ASTN2: variants seen among roughly 807,000 people sequenced by gnomAD.
ASTN2 encodes the protein astrotactin 2, also known as astrotactin-2.
Under a neutral mutation model 139.8 loss-of-function variants are expected in ASTN2, and 54 were observed. That is an observed-to-expected ratio of 0.39 (90% CI 0.31 to 0.48). ASTN2 has a LOEUF of 0.48. Among genes scored for constraint, ASTN2 ranks in the 20% least tolerant of loss-of-function variants. The probability of loss-of-function intolerance (pLI) is 0.95; values close to 1 mark genes in which losing one functional copy is unlikely to be tolerated. For synonymous variants in ASTN2, 756 were observed against 719.5 expected (o/e 1.05, Z -0.81); for missense variants, 1,565 against 1,725.1 (o/e 0.91, Z 1.64).
chr9:116,825,703 G>T (rs988345184), intron 11 of ASTN2, among the ~76,000 whole-genome samples: 1 of 152,184 alleles, frequency 6.6e-6, no homozygotes, highest in African/African-American at 2.4e-5. Context: ...AACCCCCAGG[G>T]TTCCAAAATG....
chr9:116,559,922 C>T (rs1852821396), intron 19 of ASTN2, among the ~76,000 whole-genome samples: 1 of 152,176 alleles, frequency 6.6e-6, no homozygotes, highest in Non-Finnish European at 1.5e-5. Flanking sequence ...CTTCACAACA[C>T]TCTAAAAGGC....
intron 20 of ASTN2, among the ~76,000 whole-genome samples, chr9:116,444,813 T>C (rs1012693916): frequency 6.6e-6 from 1 of 152,158 alleles, no homozygotes; most frequent in Non-Finnish European, 1.5e-5. Context: ...ACATCTGTGA[T>C]AGACTGCCAC....
intron 1 of ASTN2, among the ~76,000 whole-genome samples, chr9:117,362,462 C>T (rs539803746): frequency 7.9e-5 from 12 of 152,076 alleles, no homozygotes; most frequent in African/African-American, 2.9e-4. Flanking sequence ...GATCAGTGGG[C>T]AGGTAAGGGA....
intron 13 of ASTN2, among the ~76,000 whole-genome samples, chr9:116,768,321 T>C (rs113621532): frequency 1.3e-5 from 1 of 74,652 alleles, no homozygotes; most frequent in Non-Finnish European, 3.8e-5. Flanking sequence ...GTCTCCATCT[T>C]TCTCTTACTC....
chr9:117,340,563 G>T (rs1829036411), intron 1 of ASTN2, among the ~76,000 whole-genome samples: 1 of 152,000 alleles, frequency 6.6e-6, no homozygotes, highest in Admixed American at 6.6e-5. Context: ...GGAAACAGAA[G>T]AAGCTTGTTA....
intron 10 of ASTN2, among the ~76,000 whole-genome samples, chr9:116,896,207 C>T (rs184411557): frequency 5.9e-5 from 9 of 152,204 alleles, no homozygotes; most frequent in Non-Finnish European, 1.3e-4. Context: ...GAGGTGATTC[C>T]AGGAAGCAAG....
intron 20 of ASTN2, among the ~76,000 whole-genome samples, chr9:116,470,867 G>C (rs1848790723): frequency 6.6e-6 from 1 of 152,252 alleles, no homozygotes; most frequent in East Asian, 1.9e-4. Flanking sequence ...ATGCTTTATG[G>C]TGGGTACTCT....
At chr9:117,233,857 G>A (rs927685573) in intron 2 of ASTN2, among the ~76,000 whole-genome samples, 22 of 151,988 alleles carry the variant, frequency 1.4e-4, no homozygotes, top group African/African-American at 4.4e-4. Context: ...TAACCTAACC[G>A]CCTAAATTTC....
chr9:117,214,770 T>G (rs760764995), intron 2 of ASTN2, 28 bp from the exon 3 acceptor site: 1 of 1,462,900 alleles, frequency 6.8e-7, no homozygotes, highest in Non-Finnish European at 9.0e-7. Flanking sequence ...GACACACAAA[T>G]GGGCCACTGT....
At chr9:117,280,378 CT>C (rs1834296203) in intron 2 of ASTN2, among the ~76,000 whole-genome samples, 1 of 151,916 alleles carries the variant, frequency 6.6e-6, no homozygotes, top group Admixed American at 6.6e-5. Flanking sequence ...TGAATGTTAT[CT>C]TATTTGGAAA....
intron 11 of ASTN2, among the ~76,000 whole-genome samples, chr9:116,843,988 A>G (rs1832350645): frequency 6.6e-6 from 1 of 152,168 alleles, no homozygotes; most frequent in African/African-American, 2.4e-5. Flanking sequence ...CTCTGTGGTT[A>G]TGTTCCTGAG....
At chr9:116,733,366 G>C (rs1828838778) in intron 14 of ASTN2, 33 bp downstream of exon 14, 13 of 1,596,418 alleles carry the variant, frequency 8.1e-6, no homozygotes, top group Non-Finnish European at 1.1e-5. Context: ...TGTGGTCAGG[G>C]AACCTGGGAA....
chr9:117,020,174 T>C (rs942036061), intron 6 of ASTN2, among the ~76,000 whole-genome samples: 2 of 152,020 alleles, frequency 1.3e-5, no homozygotes, highest in South Asian at 4.2e-4. Flanking sequence ...CATTTACACC[T>C]ATATTACCTT....
intron 2 of ASTN2, among the ~76,000 whole-genome samples, chr9:117,285,949 G>A (rs1161136841): frequency 6.6e-6 from 1 of 151,704 alleles, no homozygotes; most frequent in Non-Finnish European, 1.5e-5. Context: ...AAAACATTTT[G>A]TCACCACAAA....
intron 13 of ASTN2, among the ~76,000 whole-genome samples, chr9:116,737,417 G>A (rs1828957879): frequency 6.6e-6 from 1 of 152,068 alleles, no homozygotes; most frequent in African/African-American, 2.4e-5. Flanking sequence ...GCTTAAACTC[G>A]GGTGCTCAGG....
intron 20 of ASTN2, 34 bp downstream of exon 20, chr9:116,487,325 G>C (rs373090315): frequency 1.7e-4 from 273 of 1,608,178 alleles, no homozygotes; most frequent in Non-Finnish European, 2.2e-4. Context: ...CATCCTGTCT[G>C]CCTCATGATC....
chr9:116,620,549 C>G, intron 17 of ASTN2, 106 bp from the exon 18 acceptor site: 1 of 1,393,130 alleles, frequency 7.2e-7, no homozygotes. Context: ...TTTAGAGTAG[C>G]CCCTTTAAGC....
In ASTN2 at chr9:116,723,295, C is replaced by T. The variant is rs563542306; in HGVS notation, c.2806+2476G>A. On this transcript the variant is annotated intron_variant, in intron 16 of 22. Coordinates refer to ENST00000313400, the MANE Select transcript of ASTN2 (RefSeq NM_001365068.1). ...TTCTATGTACCTACTATGTACCAGACATTTTACCTACATCATCTCATTTTA... is the reference window on the plus strand; with the variant it reads ...TTCTATGTACCTACTATGTACCAGATATTTTACCTACATCATCTCATTTTA... 1.8e-4 allele frequency among the ~76,000 whole-genome samples: 27 copies of T among 152,272 alleles called. 1 individual carries two copies. The highest frequency in any genetic ancestry group is 8.5e-4 in the Admixed American group (13 of 15,302).
intron 7 of ASTN2, among the ~76,000 whole-genome samples, chr9:116,996,870 T>C (rs938148153): frequency 1.3e-5 from 2 of 152,186 alleles, no homozygotes; most frequent in Admixed American, 6.6e-5. Flanking sequence ...GTAGGACATA[T>C]GCCATTTTTA....
Sources: allele counts gnomAD v4.1 joint callset (sites outside exome capture counted in the v4.1 genomes callset), GRCh38; gene constraint gnomAD v4.1.1; transcripts MANE v1.5; gene names NCBI Gene and HGNC (gene_info 2026-07-23, HGNC 2026-07-21).